The following INTS8 variants were observed in gnomAD, a reference collection of about 807,000 sequenced individuals.
INTS8 encodes the protein protein kaonashi-1.
Under a neutral mutation model 138.9 loss-of-function variants are expected in INTS8, and 47 were observed. That is an observed-to-expected ratio of 0.34 (90% CI 0.27 to 0.43). The LOEUF (loss-of-function observed/expected upper bound fraction) is 0.43. Ranked by LOEUF, INTS8 falls within the 20% of genes least tolerant of loss-of-function variation. The probability of loss-of-function intolerance (pLI) is 1.00; values close to 1 mark genes in which losing one functional copy is unlikely to be tolerated. For synonymous variants in INTS8, 392 were observed against 400.9 expected, an observed-to-expected ratio of 0.98 and a Z score of 0.27; for missense variants, 996 against 1,173.0, an observed-to-expected ratio of 0.85 and a Z score of 2.20.
chr8:94,827,057 A>T (rs925298209), intron 2 of INTS8, among the ~76,000 whole-genome samples: 2 of 152,158 alleles, frequency 1.3e-5, no homozygotes, highest in Admixed American at 6.5e-5. Context: ...GTGAGCCAAG[A>T]TTGTGCCACT....
Position 94,824,786 on chromosome 8 carries a change from C to T in INTS8, c.131-107C>T, listed in dbSNP as rs1419989994. On this transcript the variant is annotated intron_variant, in intron 1 of 26. Transcript: ENST00000523731. ...TGTGGCAAAAAAAAAACCCAAACTCCCCCCCCCCCCACCCACCCCCCCAAA... is the reference window on the plus strand; with the variant it reads ...TGTGGCAAAAAAAAAACCCAAACTCTCCCCCCCCCCACCCACCCCCCCAAA... 15 of 18,050 alleles carry T rather than the reference C, an allele frequency of 8.3e-4. No homozygotes were observed. The South Asian group carries it at 8.7e-3, about 10-fold the overall frequency. The allele number at this position is 18,050 out of a possible 1,614,324, so 1.1% of individuals were successfully genotyped here.
intron 16 of INTS8, 36 bp from the exon 17 acceptor site, chr8:94,865,470 G>T (rs1417407665): frequency 6.4e-7 from 1 of 1,564,830 alleles, no homozygotes; most frequent in Non-Finnish European, 8.8e-7. Context: ...CGACATTACA[G>T]ATTATCTTTT....
At chr8:94,865,385 A>G in intron 16 of INTS8, 121 bp from the exon 17 acceptor site, 1 of 741,212 alleles carries the variant, frequency 1.3e-6, no homozygotes. Context: ...ACAGCATAAA[A>G]TAACTGTGCT....
At chr8:94,851,227 G>A (rs1815532181) in intron 12 of INTS8, among the ~76,000 whole-genome samples, 1 of 146,860 alleles carries the variant, frequency 6.8e-6, no homozygotes, top group Non-Finnish European at 1.5e-5. Context: ...TAGTGTATAA[G>A]TTGTGTATAA....
chr8:94,869,574 C>G (rs542938182), intron 20 of INTS8, among the ~76,000 whole-genome samples: 1 of 151,848 alleles, frequency 6.6e-6, no homozygotes, highest in Non-Finnish European at 1.5e-5. Context: ...CTCACTGCAA[C>G]CTCCGCCTCC....
At chr8:94,879,083 C>T (rs991264838) in intron 26 of INTS8, among the ~76,000 whole-genome samples, 2 of 152,212 alleles carry the variant, frequency 1.3e-5, no homozygotes, top group African/African-American at 2.4e-5. Context: ...ATTCCAACTT[C>T]TGTCTCACAC....
chr8:94,825,051 G>A lies in INTS8; in HGVS notation c.289G>A (p.Asp97Asn), dbSNP rs1217055655. Reference protein sequence around the residue: ...KVAAHLKWDLDILEKSLSVPV... With the variant: ...KVAAHLKWDLNILEKSLSVPV... Reference sequence around the variant, plus strand: ...TGCTGCACATTTGAAGTGGGACTTAGACATATTAGAGAAAAGGTATCCAAG... The same window carrying A: ...TGCTGCACATTTGAAGTGGGACTTAAACATATTAGAGAAAAGGTATCCAAG... The change falls in exon 2 of 27, where the codon GAC (aspartate) becomes AAC (asparagine). Residue 97 changes from aspartate (D) to asparagine (N), a missense_variant. Transcript: ENST00000523731. 5 of 1,603,678 alleles carry A rather than the reference G, an allele frequency of 3.1e-6. No individual in the cohort carries two copies. The highest frequency in any genetic ancestry group is 3.4e-6 in the Non-Finnish European group (4 of 1,173,478).
At position 94,879,216 on chromosome 8, in the gene INTS8, C is replaced by T. The variant is rs184162951; in HGVS notation, c.2872-902C>T. The stretch of plus-strand genomic sequence containing the variant: ...GAAATGGCATCATCCAGCAATTTCT[C>T]CTATTCCCCAACTTCCCATACCTGA... On this transcript the variant is annotated intron_variant, in intron 26 of 26. Coordinates refer to ENST00000523731, the MANE Select transcript of INTS8 (RefSeq NM_017864.4). 6.6e-5 allele frequency among the ~76,000 whole-genome samples: 10 copies of T among 152,318 alleles called. No individual in the cohort carries two copies. The East Asian group carries it at 1.3e-3, about 21-fold the overall frequency.
In INTS8 at chr8:94,841,480, G is replaced by A. The variant is rs11996455; in HGVS notation, c.1018-11G>A. ...TTTTGAAATGGGTGCAACTTTATGT[G>A]TGTGTTCTAGGAGGTAATACAGATT... On this transcript the variant is annotated splice_polypyrimidine_tract_variant and intron_variant, in intron 8 of 26. Coordinates refer to ENST00000523731, the MANE Select transcript of INTS8 (RefSeq NM_017864.4). 0.47 allele frequency: 664,916 copies of A among 1,407,524 alleles called. 160,213 individuals carry two copies. The highest frequency in any genetic ancestry group is 0.65 in the East Asian group (27,217 of 41,984). The allele number at this position is 1,407,524 out of a possible 1,614,324, so 87.2% of individuals were successfully genotyped here. A position where few individuals can be genotyped will look rare whatever the true frequency, so the allele number is the denominator to read the frequency against.
intron 7 of INTS8, among the ~76,000 whole-genome samples, chr8:94,838,245 T>G (rs1001492472): frequency 6.6e-6 from 1 of 151,924 alleles, no homozygotes; most frequent in Non-Finnish European, 1.5e-5. Context: ...AGAGACAGGG[T>G]TTCATCATCT....
chr8:94,856,089 C>T (rs75556985), intron 14 of INTS8, among the ~76,000 whole-genome samples: 2 of 152,030 alleles, frequency 1.3e-5, no homozygotes, highest in East Asian at 3.8e-4. Context: ...GAGGACCACA[C>T]AAATGTAGAA....
At chr8:94,839,406 A>G (rs1369423741) in intron 8 of INTS8, among the ~76,000 whole-genome samples, 2 of 152,212 alleles carry the variant, frequency 1.3e-5, no homozygotes, top group Non-Finnish European at 2.9e-5. Context: ...GCATTCATTC[A>G]TGTTTAACTC....
At position 94,829,029 on chromosome 8, in the gene INTS8, A is replaced by G; in HGVS notation, c.570+3A>G. On this transcript the variant is annotated splice_donor_region_variant and intron_variant, in intron 5 of 26. Transcript: ENST00000523731. ...TAACAGAAAACATTTTGAAAGTGGT[A>G]AGTATTGGCATCAGTTACACAGTAA... 6.3e-7 allele frequency: 1 copy of G among 1,592,858 alleles called. No individual in the cohort carries two copies. Among genetic ancestry groups the G allele is most frequent in the Non-Finnish European group, 8.6e-7 (1 of 1,165,872 alleles).
intron 16 of INTS8, 39 bp downstream of exon 16, chr8:94,859,671 T>C (rs1400146124): frequency 1.3e-6 from 2 of 1,510,646 alleles, no homozygotes; most frequent in Non-Finnish European, 1.8e-6. Flanking sequence ...TAGGATGGTA[T>C]TATTATACTT....
intron 13 of INTS8, among the ~76,000 whole-genome samples, chr8:94,853,465 G>A (rs1265209149): frequency 1.3e-5 from 2 of 152,136 alleles, no homozygotes; most frequent in Non-Finnish European, 2.9e-5. Flanking sequence ...TAACTTCTTT[G>A]TGTTGCAGTT....
At chr8:94,824,776 A>AAC in intron 1 of INTS8, 117 bp from the exon 2 acceptor site, 1 of 193,178 alleles carries the variant, frequency 5.2e-6, no homozygotes, top group Non-Finnish European at 9.8e-6. Context: ...CAAAAAAAAA[A>AAC]CCCAAACTCC....
At chr8:94,827,634 A>G in intron 3 of INTS8, 88 bp from the exon 4 acceptor site, 10 of 1,176,428 alleles carry the variant, frequency 8.5e-6, no homozygotes, top group Non-Finnish European at 1.1e-5. Context: ...GCTTCATATA[A>G]TTTATACAAA....
rs1166794551 is a variant in INTS8, at chr8:94,870,057, A to AT, written c.2415-1815dup. ...TGAAATAATATATTTTTATTTATTT[A>AT]TTTTTTTTTTTTGAGATGGAGTCTT... is the stretch of plus-strand genomic sequence containing the variant. On this transcript the variant is annotated intron_variant, in intron 20 of 26. Transcript: ENST00000523731. Among the ~76,000 whole-genome samples the AT allele has an allele frequency of 4.0e-3, 591 of 147,384 alleles. 3 individuals are homozygous for AT. The highest frequency in any genetic ancestry group is 9.2e-3 in the African/African-American group (371 of 40,348).
chr8:94,881,481 T>C lies in INTS8; in HGVS notation c.*1247T>C, dbSNP rs28399586. On this transcript the variant is annotated 3_prime_UTR_variant, in exon 27 of 27. Coordinates refer to ENST00000523731, the MANE Select transcript of INTS8 (RefSeq NM_017864.4). Reference sequence around the variant, plus strand: ...AATTAAATGTATTCTTTAGTGCCAATTGTAAGTTTTAAAATCAGAATGGCA... The same window carrying C: ...AATTAAATGTATTCTTTAGTGCCAACTGTAAGTTTTAAAATCAGAATGGCA... 3.5e-4 allele frequency: 237 copies of C among 674,276 alleles called. 2 individuals are homozygous for C. In the East Asian group the frequency reaches 6.3e-3, roughly 18 times the overall value. The allele number at this position is 674,276 out of a possible 1,614,324, so 41.8% of individuals were successfully genotyped here.
Sources: allele counts gnomAD v4.1 joint callset (sites outside exome capture counted in the v4.1 genomes callset), GRCh38; gene constraint gnomAD v4.1.1; transcripts MANE v1.5; gene names NCBI Gene and HGNC (gene_info 2026-07-23, HGNC 2026-07-21).